The following DUSP22 variants were observed in gnomAD, a reference collection of about 807,000 sequenced individuals.
DUSP22 encodes the protein dual specificity phosphatase 22, also known as dual specificity protein phosphatase 22.
Under a neutral mutation model 24.5 loss-of-function variants are expected in DUSP22, and 24 were observed. That is an observed-to-expected ratio of 0.98 (90% CI 0.71 to 1.38). The LOEUF (loss-of-function observed/expected upper bound fraction) is 1.38. DUSP22 is among the 40% of genes most tolerant of loss of function. DUSP22 has a pLI of 0.00. For synonymous variants in DUSP22, 160 were observed against 106.4 expected (o/e 1.50, Z -3.10); for missense variants, 330 against 269.2 (o/e 1.23, Z -1.58).
At position 348,184 on chromosome 6, in the gene DUSP22, G is replaced by A. The variant is rs1337115301; in HGVS notation, c.345G>A (p.Leu115=). 10 of 1,614,296 alleles carry A rather than the reference G, an allele frequency of 6.2e-6. No individual in the cohort carries two copies. Among genetic ancestry groups the A allele is most frequent in the Non-Finnish European group, 5.9e-6 (7 of 1,180,052 alleles). The change falls in exon 6 of 7, where the codon CTG becomes CTA. Residue 115 remains leucine, a synonymous_variant. Coordinates refer to ENST00000419235, the MANE Select transcript of DUSP22 (RefSeq NM_001286555.3). ...CTGACTTTGGCTGGGAGGATGCCCT[G>A]CACACCGTGCGTGCTGGGAGATCCT... ...TVTDFGWEDA[L]HTVRAGRSCA...
chr6:293,830 A>G (rs1364701143), intron 1 of DUSP22, among the ~76,000 whole-genome samples: 7 of 133,078 alleles, frequency 5.3e-5, no homozygotes, highest in African/African-American at 1.8e-4. Flanking sequence ...GCGAGTGATC[A>G]AGTTTGGAAA....
At chr6:341,049 GGAGGGAGACAGCTGCGGGT>G (rs1759583143) in intron 4 of DUSP22, among the ~76,000 whole-genome samples, 2 of 152,312 alleles carry the variant, frequency 1.3e-5, no homozygotes, top group African/African-American at 4.8e-5. Flanking sequence ...CTGTGACGAG[GGAGGGAGACAGCTGCGGGT>G]GACTGGGCAG....
chr6:332,697 T>G (rs2127411749), intron 3 of DUSP22, among the ~76,000 whole-genome samples: 1 of 152,326 alleles, frequency 6.6e-6, no homozygotes, highest in East Asian at 1.9e-4. Flanking sequence ...GATTTTAGAT[T>G]CTGCTGGAAT....
intron 1 of DUSP22, among the ~76,000 whole-genome samples, chr6:294,475 C>T (rs1203468400): frequency 2.0e-5 from 3 of 152,254 alleles, no homozygotes; most frequent in Admixed American, 6.5e-5. Context: ...TAAAATGTTC[C>T]GGTAGCCACA....
chr6:296,975 G>A (rs1006616696), intron 1 of DUSP22, among the ~76,000 whole-genome samples: 1 of 152,302 alleles, frequency 6.6e-6, no homozygotes, highest in Non-Finnish European at 1.5e-5. Flanking sequence ...TGCCATCCCT[G>A]TCCTTCTCGG....
rs771951101 is a variant in DUSP22, at chr6:311,870, T to C, written c.56-10T>C. ...ATATCAAAATGTCCATCCCCTTTCTTCTCTGACAGATGCCAGAGACGCGGA... is the reference window on the plus strand; with the variant it reads ...ATATCAAAATGTCCATCCCCTTTCTCCTCTGACAGATGCCAGAGACGCGGA... On this transcript the variant is annotated splice_polypyrimidine_tract_variant and intron_variant, in intron 2 of 6. Coordinates refer to ENST00000419235, the MANE Select transcript of DUSP22 (RefSeq NM_001286555.3). 6.2e-7 allele frequency: 1 copy of C among 1,611,370 alleles called. No individual in the cohort carries two copies. Among genetic ancestry groups the C allele is most frequent in the Non-Finnish European group, 8.5e-7 (1 of 1,178,432 alleles).
chr6:299,240 C>T lies in DUSP22; in HGVS notation c.22-5388C>T, dbSNP rs374092773. ...GCTTCTGGCTTGAGCTCAGCTCCTG[C>T]GTGGCCTGACTGGTCAGCCAGGTTG... On this transcript the variant is annotated intron_variant, in intron 1 of 6. Coordinates refer to ENST00000419235, the MANE Select transcript of DUSP22 (RefSeq NM_001286555.3). Among the ~76,000 whole-genome samples the T allele has an allele frequency of 9.0e-3, 1,362 of 152,040 alleles. 1 individual carries two copies. The highest frequency in any genetic ancestry group is 0.024 in the Middle Eastern group (7 of 288).
chr6:292,941 G>A (rs79420536), intron 1 of DUSP22, among the ~76,000 whole-genome samples: 7 of 151,998 alleles, frequency 4.6e-5, no homozygotes, highest in Non-Finnish European at 7.4e-5. Context: ...AGCCACCACC[G>A]CCCCCCCCAC....
In DUSP22 at chr6:350,923, CA is replaced by C; in HGVS notation, c.*1977del. On this transcript the variant is annotated 3_prime_UTR_variant, in exon 7 of 7. Transcript: ENST00000419235. ...CCCACAGAGTTTAGGCTGGTGCTGCCAAAAAGAAAAGCAACATAGAGTTTAA... is the reference window on the plus strand; with the variant it reads ...CCCACAGAGTTTAGGCTGGTGCTGCCAAAAGAAAAGCAACATAGAGTTTAA... The C allele has an allele frequency of 4.4e-6, 7 of 1,607,122 alleles. No homozygotes were observed. The highest frequency in any genetic ancestry group is 1.7e-4 in the Middle Eastern group (1 of 6,036).
chr6:296,873 G>A (rs1246717843), intron 1 of DUSP22, among the ~76,000 whole-genome samples: 1 of 152,302 alleles, frequency 6.6e-6, no homozygotes, highest in East Asian at 1.9e-4. Context: ...GGTTCGTTTA[G>A]CTCATCAAGC....
At chr6:332,773 A>T (rs1391665077) in intron 3 of DUSP22, among the ~76,000 whole-genome samples, 1 of 152,266 alleles carries the variant, frequency 6.6e-6, no homozygotes. Context: ...CTTCCTTGCC[A>T]GATGGAAGTC....
chr6:345,147 A>G (rs1011691027), intron 4 of DUSP22, among the ~76,000 whole-genome samples: 1 of 152,302 alleles, frequency 6.6e-6, no homozygotes, highest in Non-Finnish European at 1.5e-5. Context: ...AGCCACAGAC[A>G]GTATGACCAG....
intron 4 of DUSP22, among the ~76,000 whole-genome samples, chr6:340,695 C>G (rs1357045108): frequency 7.2e-5 from 11 of 152,310 alleles, no homozygotes; most frequent in Admixed American, 5.9e-4. Flanking sequence ...TCCCTGTGGC[C>G]TTGCTGCTGT....
chr6:296,017 T>C (rs1458231565), intron 1 of DUSP22, among the ~76,000 whole-genome samples: 1 of 152,284 alleles, frequency 6.6e-6, no homozygotes, highest in Non-Finnish European at 1.5e-5. Flanking sequence ...AAGTCTTTCC[T>C]TTGAGCTGAG....
At chr6:326,625 T>C (rs536317496) in intron 3 of DUSP22, among the ~76,000 whole-genome samples, 331 of 152,292 alleles carry the variant, frequency 2.2e-3, no homozygotes, top group Non-Finnish European at 1.6e-3. Context: ...CTGGTAATTA[T>C]GCAGATGGGA....
At chr6:309,679 A>AACAGACAC (rs1554099005) in intron 2 of DUSP22, among the ~76,000 whole-genome samples, 10 of 138,558 alleles carry the variant, frequency 7.2e-5, no homozygotes, top group African/African-American at 2.6e-4. Flanking sequence ...ACTCATGTAG[A>AACAGACAC]ACACACACAC....
chr6:336,554 G>T (rs1425821310), intron 4 of DUSP22, among the ~76,000 whole-genome samples: 2 of 152,250 alleles, frequency 1.3e-5, no homozygotes, highest in African/African-American at 4.8e-5. Flanking sequence ...ACCTTTTTGG[G>T]AAAAAAAATA....
At chr6:322,415 C>A (rs1758640897) in intron 3 of DUSP22, among the ~76,000 whole-genome samples, 1 of 152,304 alleles carries the variant, frequency 6.6e-6, no homozygotes, top group Admixed American at 6.5e-5. Context: ...TGCAGGGGCG[C>A]CTCAGGGTAC....
At chr6:348,704 A>G in intron 6 of DUSP22, 65 bp from the exon 7 acceptor site, 2 of 1,602,676 alleles carry the variant, frequency 1.2e-6, no homozygotes, top group Non-Finnish European at 1.7e-6. Context: ...TCACAGGTGC[A>G]AGCCCACGTG....
Sources: gnomAD v4.1 joint callset for allele counts (sites outside exome capture counted in the v4.1 genomes callset) on GRCh38, gnomAD v4.1.1 for gene constraint, MANE v1.5 for transcripts, NCBI Gene and HGNC (gene_info 2026-07-23, HGNC 2026-07-21) for gene names.